The following PIK3CD variants were observed in gnomAD, a reference collection of about 807,000 sequenced individuals.
PIK3CD encodes phosphatidylinositol 4,5-bisphosphate 3-kinase catalytic subunit delta isoform.
A neutral mutation model predicts 122.9 loss-of-function variants in PIK3CD; 20 were observed. That is an observed-to-expected ratio of 0.16 (90% CI 0.11 to 0.24). The LOEUF (loss-of-function observed/expected upper bound fraction) is 0.24, where lower values mean the gene tolerates loss of function less well. PIK3CD is among the 10% of genes least tolerant of loss of function. The pLI is 1.00. For synonymous variants in PIK3CD, 596 were observed against 593.4 expected, an observed-to-expected ratio of 1.00 and a Z score of -0.06; for missense variants, 787 against 1,406.3, an observed-to-expected ratio of 0.56 and a Z score of 7.04.
In PIK3CD at chr1:9,720,151, G is replaced by A. The variant is rs373779625; in HGVS notation, c.1379G>A (p.Arg460His). ...CTGCTGAACCCCACGGGCACTGTGC[G>A]CAGTAACCCCAACACGGATAGCGCC... Reference protein sequence around the residue: ...GELLNPTGTVRSNPNTDSAAA... With the variant: ...GELLNPTGTVHSNPNTDSAAA... Residue 460 changes from arginine to histidine, a missense_variant, in exon 11 of 24, where the codon CGC becomes CAC. Around this residue, in one of 6 missense-constraint regions of PIK3CD, gnomAD observed 592 missense variants for 920.6 expected, o/e 0.64. Transcript: ENST00000377346. The surrounding 1 kb of genome is among the most constrained non-coding windows in gnomAD (Gnocchi z 9.0). 162 of 1,613,202 alleles carry A rather than the reference G, an allele frequency of 1.0e-4. No individual in the cohort carries two copies. The highest frequency in any genetic ancestry group is 1.6e-4 in the Middle Eastern group (1 of 6,062).
chr1:9,636,215 A>G, the PIK3CD span, among the ~76,000 whole-genome samples: 1 of 151,190 alleles, frequency 6.6e-6, no homozygotes, highest in South Asian at 2.1e-4. Context: ...TTGGGGGGGG[A>G]CATGGTCTCA....
rs1231783212 is a variant in PIK3CD, at chr1:9,710,563, G to A, written c.108G>A (p.Val36=). The part of the protein sequence containing the change: ...LPTGVYLNFP[V]SRNANLSTIK... ...CAGGGGTCTACCTGAACTTCCCTGT[G>A]TCCCGCAATGCCAACCTCAGCACCA... Residue 36 remains valine, a synonymous_variant, in exon 3 of 24, where the codon GTG becomes GTA. Transcript: ENST00000377346. The surrounding 1 kb of genome is among the most constrained non-coding windows in gnomAD (Gnocchi z 4.7). 1 of 1,614,038 alleles carries A rather than the reference G, an allele frequency of 6.2e-7. No homozygotes were observed. Among genetic ancestry groups the A allele is most frequent in the Admixed American group, 1.7e-5 (1 of 59,976 alleles).
intron 1 of PIK3CD, among the ~76,000 whole-genome samples, chr1:9,683,198 G>C (rs1645833056): frequency 6.6e-6 from 1 of 151,512 alleles, no homozygotes; most frequent in African/African-American, 2.4e-5. Context: ...CAGCACTTTG[G>C]GAGGCAGAGG....
the PIK3CD span, among the ~76,000 whole-genome samples, chr1:9,641,418 G>T: frequency 7.1e-3 from 1,077 of 152,224 alleles, 23 homozygotes; most frequent in Admixed American, 0.045. Flanking sequence ...GTACATTATT[G>T]TTCCCTTGTG....
chr1:9,724,089 G>A lies in PIK3CD; in HGVS notation c.2715G>A (p.Gly905=). Residue 905 remains glycine, a synonymous_variant, in exon 21 of 24, where the codon GGG becomes GGA. Coordinates refer to ENST00000377346, the MANE Select transcript of PIK3CD (RefSeq NM_005026.5). This position sits in a 1 kb window ranked among gnomAD's most constrained non-coding sequence, Gnocchi z 7.3. ...ACAACATCATGATCCGAGAGAGTGG[G>A]CAGGTACAGGGGCTGGTGCTGGCGG... ...HSDNIMIRES[G]QLFHIDFGHF... 1 of 1,614,202 alleles carries A rather than the reference G, an allele frequency of 6.2e-7. No individual in the cohort carries two copies. The highest frequency in any genetic ancestry group is 8.5e-7 in the Non-Finnish European group (1 of 1,180,038).
chr1:9,643,352 A>G, the PIK3CD span, among the ~76,000 whole-genome samples: 2 of 151,164 alleles, frequency 1.3e-5, no homozygotes, highest in Middle Eastern at 3.4e-3. Context: ...AGGTTGCAGT[A>G]AGCTAAGATC....
chr1:9,725,037 G>A (rs1171551874), intron 23 of PIK3CD, 101 bp downstream of exon 23: 15 of 1,411,914 alleles, frequency 1.1e-5, no homozygotes, highest in Non-Finnish European at 1.4e-5. Context: ...GCCCCAAAGG[G>A]CACTGAGCTG....
At chr1:9,708,776 G>A (rs1646940723) in intron 2 of PIK3CD, among the ~76,000 whole-genome samples, 1 of 152,012 alleles carries the variant, frequency 6.6e-6, no homozygotes, top group Admixed American at 6.5e-5. Flanking sequence ...TTGAGCCCAA[G>A]AGCTGAGATT....
At chr1:9,678,857 C>A (rs927469193) in intron 1 of PIK3CD, among the ~76,000 whole-genome samples, 8 of 152,138 alleles carry the variant, frequency 5.3e-5, no homozygotes, top group African/African-American at 1.7e-4. Context: ...AATTTACAGC[C>A]CCTTTCTGGG....
chr1:9,661,827 T>A (rs985906615), intron 1 of PIK3CD, among the ~76,000 whole-genome samples: 4 of 152,076 alleles, frequency 2.6e-5, no homozygotes, highest in African/African-American at 9.7e-5. Flanking sequence ...AAACCCTGTC[T>A]CTATTAAAAA....
At chr1:9,655,446 G>A (rs201850831) in intron 1 of PIK3CD, among the ~76,000 whole-genome samples, 6 of 76,948 alleles carry the variant, frequency 7.8e-5, no homozygotes, top group South Asian at 8.2e-4. Flanking sequence ...GGAACCCCCC[G>A]CCCCCCCCCC....
chr1:9,669,020 C>T (rs891440178), intron 1 of PIK3CD, among the ~76,000 whole-genome samples: 2 of 152,144 alleles, frequency 1.3e-5, no homozygotes, highest in African/African-American at 4.8e-5. Context: ...GTTCGCTGCT[C>T]ACATCCAGAT....
intron 2 of PIK3CD, among the ~76,000 whole-genome samples, chr1:9,695,853 AAAAAG>A (rs1325528763): frequency 6.0e-5 from 9 of 150,248 alleles, no homozygotes; most frequent in South Asian, 2.1e-4. Context: ...CAAAAAAAAA[AAAAAG>A]AAAAGAAAGA....
At position 9,717,766 on chromosome 1, in the gene PIK3CD, G is replaced by C; in HGVS notation, c.1020+140G>C. 2.5e-6 allele frequency: 2 copies of C among 802,640 alleles called. No individual in the cohort carries two copies. The highest frequency in any genetic ancestry group is 2.2e-5 in the Admixed American group (1 of 46,466). 49.7% of individuals were successfully genotyped at this position (802,640 alleles called of 1,614,324 possible). ...ATTACCCAGCATCCCTGCCTGGGGC[G>C]CTGTGAGCGGCTTGAAAACAGGAAG... On this transcript the variant is annotated intron_variant, in intron 8 of 23. Coordinates refer to ENST00000377346, the MANE Select transcript of PIK3CD (RefSeq NM_005026.5). This position sits in a 1 kb window ranked among gnomAD's most constrained non-coding sequence, Gnocchi z 5.4.
upstream of PIK3CD, among the ~76,000 whole-genome samples, chr1:9,649,384 C>T (rs1466620236): frequency 3.3e-5 from 5 of 152,108 alleles, no homozygotes; most frequent in Non-Finnish European, 7.3e-5. Context: ...GTGCACACCA[C>T]TAAACCCGGC....
intron 1 of PIK3CD, among the ~76,000 whole-genome samples, chr1:9,665,306 G>A (rs1206966139): frequency 1.3e-5 from 2 of 151,388 alleles, no homozygotes; most frequent in Non-Finnish European, 2.9e-5. Flanking sequence ...GGTAGTAAAT[G>A]CCTCTCAAGA....
chr1:9,688,944 G>A (rs1232050337), intron 1 of PIK3CD, among the ~76,000 whole-genome samples: 1 of 152,164 alleles, frequency 6.6e-6, no homozygotes, highest in Non-Finnish European at 1.5e-5. Context: ...TAGTGAAAGT[G>A]CTAGGTACAC....
In PIK3CD at chr1:9,717,201, C is replaced by G; in HGVS notation, c.930+93C>G. ...GCTACTGGCCATGGGTCCAGGGGCC[C>G]TTGGTATGGAGAGCTGGGGCTTTGA... On this transcript the variant is annotated intron_variant, in intron 7 of 23. Transcript: ENST00000377346. This position sits in a 1 kb window ranked among gnomAD's most constrained non-coding sequence, Gnocchi z 5.4. 1 of 1,484,282 alleles carries G rather than the reference C, an allele frequency of 6.7e-7. No individual in the cohort carries two copies. The highest frequency in any genetic ancestry group is 9.4e-7 in the Non-Finnish European group (1 of 1,066,664). 91.9% of individuals were successfully genotyped at this position (1,484,282 alleles called of 1,614,324 possible). A position where few individuals can be genotyped will look rare whatever the true frequency, so the allele number is the denominator to read the frequency against.
chr1:9,702,476 T>C (rs951435564), intron 2 of PIK3CD, among the ~76,000 whole-genome samples: 11 of 134,882 alleles, frequency 8.2e-5, no homozygotes, highest in African/African-American at 3.0e-4. Context: ...TAGAGGCAGG[T>C]CCACTTCCAA....
Sources: allele counts gnomAD v4.1 joint callset (sites outside exome capture counted in the v4.1 genomes callset), GRCh38; gene constraint gnomAD v4.1.1; regional missense constraint gnomAD v4.1.1; non-coding constraint Gnocchi (gnomAD v3.1); transcripts MANE v1.5; gene names NCBI Gene and HGNC (gene_info 2026-07-23, HGNC 2026-07-21).